The following LSAMP variants were observed in gnomAD, a reference collection of about 807,000 sequenced individuals.
The protein encoded by LSAMP is limbic system associated membrane protein.
In LSAMP, 7 loss-of-function variants were observed where a neutral mutation model predicts 38.6. That is an observed-to-expected ratio of 0.18 (90% CI 0.10 to 0.34). The LOEUF (loss-of-function observed/expected upper bound fraction) is 0.34. LSAMP is among the 10% of genes least tolerant of loss of function. LSAMP has a pLI of 1.00. For synonymous variants in LSAMP, 154 were observed against 166.8 expected, an observed-to-expected ratio of 0.92 and a Z score of 0.59; for missense variants, 313 against 420.0, an observed-to-expected ratio of 0.75 and a Z score of 2.23.
At chr3:116,322,119 G>A (rs927793645) in intron 1 of LSAMP, among the ~76,000 whole-genome samples, 1 of 152,120 alleles carries the variant, frequency 6.6e-6, no homozygotes, top group East Asian at 1.9e-4. Flanking sequence ...TATAACATAA[G>A]CTGATCAACA....
chr3:116,222,182 C>G (rs548563329), intron 1 of LSAMP, among the ~76,000 whole-genome samples: 2 of 151,410 alleles, frequency 1.3e-5, no homozygotes, highest in Non-Finnish European at 2.9e-5. Context: ...ACTCTCTGGG[C>G]GTGGTTCTTC....
intron 1 of LSAMP, among the ~76,000 whole-genome samples, chr3:116,376,929 GTAC>G (rs1018990286): frequency 3.3e-5 from 5 of 151,868 alleles, no homozygotes; most frequent in South Asian, 2.1e-4. Flanking sequence ...TTATCTATTT[GTAC>G]TACTACTAAG....
At chr3:116,347,853 T>C (rs570326678) in intron 1 of LSAMP, among the ~76,000 whole-genome samples, 2 of 151,526 alleles carry the variant, frequency 1.3e-5, no homozygotes, top group South Asian at 4.2e-4. Context: ...AAATATCGAA[T>C]GAGAAAAGGG....
intron 2 of LSAMP, among the ~76,000 whole-genome samples, chr3:116,041,816 CAAA>C (rs1405272484): frequency 1.4e-5 from 2 of 144,694 alleles, no homozygotes; most frequent in Admixed American, 6.9e-5. Context: ...CAAAACAAAA[CAAA>C]AAAAAAACAC....
intron 1 of LSAMP, among the ~76,000 whole-genome samples, chr3:116,381,477 C>T (rs1005864802): frequency 5.9e-5 from 9 of 152,152 alleles, no homozygotes; most frequent in South Asian, 2.1e-4. Context: ...TTCTCTATTA[C>T]GTCCCACAGT....
intron 3 of LSAMP, among the ~76,000 whole-genome samples, chr3:115,985,169 G>T (rs1041356077): frequency 2.6e-5 from 4 of 152,156 alleles, no homozygotes; most frequent in African/African-American, 9.7e-5. Context: ...CTGGAAATAA[G>T]AAACATTTAG....
At chr3:116,412,169 C>T (rs1276639331) in intron 1 of LSAMP, among the ~76,000 whole-genome samples, 1 of 152,038 alleles carries the variant, frequency 6.6e-6, no homozygotes, top group Non-Finnish European at 1.5e-5. Context: ...TCAGGGACTT[C>T]AATGGACACA....
chr3:115,943,776 C>T (rs1376787291), intron 3 of LSAMP, among the ~76,000 whole-genome samples: 1 of 152,200 alleles, frequency 6.6e-6, no homozygotes, highest in Non-Finnish European at 1.5e-5. Context: ...CTCCAGAGAG[C>T]CTTTGGTAGG....
chr3:116,322,502 T>C (rs979561841), intron 1 of LSAMP, among the ~76,000 whole-genome samples: 1 of 152,162 alleles, frequency 6.6e-6, no homozygotes, highest in Non-Finnish European at 1.5e-5. Context: ...GGTACACAAG[T>C]CACATGCAAA....
At chr3:115,873,305 C>A (rs1936096574) in intron 3 of LSAMP, among the ~76,000 whole-genome samples, 1 of 151,224 alleles carries the variant, frequency 6.6e-6, no homozygotes, top group South Asian at 2.1e-4. Flanking sequence ...GTCATTTGAA[C>A]CTGGGAGGTG....
At chr3:116,318,679 C>A (rs562048182) in intron 1 of LSAMP, among the ~76,000 whole-genome samples, 3 of 152,060 alleles carry the variant, frequency 2.0e-5, no homozygotes, top group East Asian at 1.9e-4. Context: ...ACACCAATAC[C>A]CACATGAAGG....
chr3:116,019,166 G>A (rs1273698098), intron 3 of LSAMP, among the ~76,000 whole-genome samples: 1 of 127,630 alleles, frequency 7.8e-6, no homozygotes, highest in African/African-American at 2.8e-5. Context: ...GTGGGGGGGG[G>A]GGGGCTGTTC....
intron 1 of LSAMP, among the ~76,000 whole-genome samples, chr3:116,174,552 C>A (rs1041552794): frequency 5.9e-5 from 9 of 151,938 alleles, no homozygotes; most frequent in Admixed American, 2.0e-4. Flanking sequence ...AAAAAGCACC[C>A]AAAGAATTAG....
chr3:115,860,842 A>G (rs946521628), intron 3 of LSAMP, among the ~76,000 whole-genome samples: 3 of 152,096 alleles, frequency 2.0e-5, no homozygotes, highest in Non-Finnish European at 4.4e-5. Context: ...AAATTGCAAA[A>G]GGGTGTGGCA....
intron 3 of LSAMP, among the ~76,000 whole-genome samples, chr3:115,853,574 G>C (rs1935400609): frequency 6.6e-6 from 1 of 152,170 alleles, no homozygotes; most frequent in South Asian, 2.1e-4. Flanking sequence ...AAGAGATGGA[G>C]AGAGAAATAA....
At chr3:115,967,655 G>A (rs1354308939) in intron 3 of LSAMP, among the ~76,000 whole-genome samples, 2 of 152,110 alleles carry the variant, frequency 1.3e-5, no homozygotes, top group Non-Finnish European at 2.9e-5. Context: ...ATATTTTGAC[G>A]TGGCTGGGGA....
At chr3:116,382,855 T>C (rs567836141) in intron 1 of LSAMP, among the ~76,000 whole-genome samples, 1 of 152,244 alleles carries the variant, frequency 6.6e-6, no homozygotes, top group Admixed American at 6.5e-5. Context: ...CAAAGTGCCT[T>C]ACGATGTTGG....
intron 1 of LSAMP, among the ~76,000 whole-genome samples, chr3:116,314,177 T>C (rs1027418229): frequency 6.6e-6 from 1 of 152,218 alleles, no homozygotes; most frequent in Non-Finnish European, 1.5e-5. Flanking sequence ...ACCCAATGTA[T>C]TTAAGAACTC....
intron 3 of LSAMP, among the ~76,000 whole-genome samples, chr3:115,953,404 T>TACACACACACACACACAC (rs71616336): frequency 0.017 from 2,464 of 143,626 alleles, 30 homozygotes; most frequent in East Asian, 0.041. Context: ...GTAGTGTGCG[T>TACACACACACACACACAC]ACACACACAC....
Sources: allele counts gnomAD v4.1 joint callset (sites outside exome capture counted in the v4.1 genomes callset), GRCh38; gene constraint gnomAD v4.1.1; transcripts MANE v1.5; gene names NCBI Gene and HGNC (gene_info 2026-07-23, HGNC 2026-07-21).